PRICKLE1: variants seen among roughly 807,000 people sequenced by gnomAD.
The protein encoded by PRICKLE1 is prickle-like protein 1.
PRICKLE1 carries 14 observed loss-of-function variants against 70.2 expected under a neutral mutation model. The ratio of observed to expected loss-of-function variants is 0.20; its 90% CI spans 0.13 to 0.31. The LOEUF (loss-of-function observed/expected upper bound fraction) is 0.31. Ranked by LOEUF, PRICKLE1 falls within the 10% of genes least tolerant of loss-of-function variation. The probability of loss-of-function intolerance (pLI) is 1.00; values close to 1 mark genes in which losing one functional copy is unlikely to be tolerated. For synonymous variants in PRICKLE1, 357 were observed against 379.9 expected (o/e 0.94, Z 0.70); for missense variants, 821 against 1,026.2 (o/e 0.80, Z 2.73).
chr12:42,498,139 T>C (rs1378373219), intron 1 of PRICKLE1, among the ~76,000 whole-genome samples: 2 of 150,278 alleles, frequency 1.3e-5, no homozygotes, highest in Non-Finnish European at 3.0e-5. Context: ...TGAGCCTCCA[T>C]GCCTAGTCTC....
intron 1 of PRICKLE1, chr12:42,489,657 T>TAAAAAAA (rs71084661): frequency 1.5e-5 from 1 of 67,820 alleles, no homozygotes; most frequent in Non-Finnish European, 2.8e-5. Context: ...GAGACTTCTC[T>TAAAAAAA]AAAAAAAAAA....
chr12:42,575,888 TA>T (rs1940798010), intron 1 of PRICKLE1, among the ~76,000 whole-genome samples: 1 of 152,170 alleles, frequency 6.6e-6, no homozygotes, highest in Non-Finnish European at 1.5e-5. Context: ...AAGCCTCCCT[TA>T]ATAGTCCACA....
At chr12:42,576,397 C>T (rs1351589543) in intron 1 of PRICKLE1, among the ~76,000 whole-genome samples, 3 of 152,210 alleles carry the variant, frequency 2.0e-5, no homozygotes, top group East Asian at 3.8e-4. Flanking sequence ...GTCAACCATA[C>T]CCTGGAGCGC....
At chr12:42,554,885 T>A (rs1169764335) in intron 1 of PRICKLE1, among the ~76,000 whole-genome samples, 11 of 151,756 alleles carry the variant, frequency 7.2e-5, no homozygotes, top group East Asian at 1.9e-4. Flanking sequence ...AGAACTTATT[T>A]TTTTTTTTTT....
chr12:42,501,524 AAAAAAAGAAAAG>A (rs1939308820), intron 1 of PRICKLE1, among the ~76,000 whole-genome samples: 1 of 129,260 alleles, frequency 7.7e-6, no homozygotes, highest in Non-Finnish European at 1.5e-5. Context: ...AAAAAAAAAA[AAAAAAAGAAAAG>A]AAAAGAGGAG....
intron 1 of PRICKLE1, among the ~76,000 whole-genome samples, chr12:42,571,623 C>T (rs993231629): frequency 1.3e-5 from 2 of 152,198 alleles, no homozygotes; most frequent in Admixed American, 1.3e-4. Context: ...CGGGAGCTTA[C>T]GCTTGTTTTT....
At chr12:42,531,755 C>T (rs1939921698) in intron 1 of PRICKLE1, among the ~76,000 whole-genome samples, 1 of 152,098 alleles carries the variant, frequency 6.6e-6, no homozygotes, top group Non-Finnish European at 1.5e-5. Context: ...AAATGAACAA[C>T]TGCTAATGAT....
At chr12:42,468,997 T>A (rs765708627) in intron 4 of PRICKLE1, among the ~76,000 whole-genome samples, 168 bp from the exon 5 acceptor site, 1 of 152,236 alleles carries the variant, frequency 6.6e-6, no homozygotes, top group Non-Finnish European at 1.5e-5. Context: ...GATTCTCCAC[T>A]GTAAGGCACG....
chr12:42,519,767 TAGCTTGAA>T (rs1481724871), intron 1 of PRICKLE1, among the ~76,000 whole-genome samples: 11 of 152,244 alleles, frequency 7.2e-5, no homozygotes, highest in Non-Finnish European at 1.6e-4. Flanking sequence ...TGAGGCTGGG[TAGCTTGAA>T]AGCAAAGCAG....
At chr12:42,553,128 C>A (rs1940349883) in intron 1 of PRICKLE1, among the ~76,000 whole-genome samples, 1 of 152,042 alleles carries the variant, frequency 6.6e-6, no homozygotes, top group Non-Finnish European at 1.5e-5. Context: ...ATTTATGTGT[C>A]ATCCCCAGGT....
intron 1 of PRICKLE1, among the ~76,000 whole-genome samples, chr12:42,515,860 T>C (rs1346923210): frequency 6.6e-6 from 1 of 152,200 alleles, no homozygotes; most frequent in Non-Finnish European, 1.5e-5. Context: ...TACATTGGTA[T>C]GAATCTACTT....
intron 1 of PRICKLE1, among the ~76,000 whole-genome samples, chr12:42,560,508 A>G (rs1369879151): frequency 7.4e-6 from 1 of 135,216 alleles, no homozygotes; most frequent in Non-Finnish European, 1.5e-5. Context: ...ATCTGGGACT[A>G]TTTGTTAGAC....
chr12:42,484,106 C>G (rs1391827059), intron 1 of PRICKLE1: 6 of 151,510 alleles, frequency 4.0e-5, no homozygotes, highest in African/African-American at 1.2e-4. Context: ...CCCAGCTCCC[C>G]GCTCCCGCCC....
chr12:42,522,549 T>C (rs1393951876), intron 1 of PRICKLE1, among the ~76,000 whole-genome samples: 1 of 152,216 alleles, frequency 6.6e-6, no homozygotes, highest in East Asian at 1.9e-4. Flanking sequence ...GTATCTTGCT[T>C]AAATAAGTTT....
chr12:42,527,957 ATATATATATATATATCTCCAAAGTTT>A (rs1939840715), intron 1 of PRICKLE1, among the ~76,000 whole-genome samples: 8 of 26,328 alleles, frequency 3.0e-4, no homozygotes, highest in African/African-American at 9.5e-4. Context: ...ATATATATAT[ATATATATATATATATCTCCAAAGTTT>A]TATATACTAT....
intron 1 of PRICKLE1, among the ~76,000 whole-genome samples, chr12:42,553,447 A>G (rs1940359530): frequency 6.6e-6 from 1 of 150,664 alleles, no homozygotes; most frequent in African/African-American, 2.4e-5. Context: ...CCGTCTCAAA[A>G]AAAAAAAAAC....
chr12:42,503,420 G>T (rs929634889), intron 1 of PRICKLE1, among the ~76,000 whole-genome samples: 1 of 152,098 alleles, frequency 6.6e-6, no homozygotes, highest in African/African-American at 2.4e-5. Flanking sequence ...TCTTTGCAGT[G>T]CTGGGTAGTA....
intron 1 of PRICKLE1, among the ~76,000 whole-genome samples, chr12:42,479,448 A>G (rs1225569204): frequency 6.6e-6 from 1 of 152,248 alleles, no homozygotes; most frequent in African/African-American, 2.4e-5. Context: ...GGAGCATGAC[A>G]GTTTTTCTAG....
intron 1 of PRICKLE1, among the ~76,000 whole-genome samples, chr12:42,476,072 A>C (rs1938516083): frequency 7.1e-6 from 1 of 141,238 alleles, no homozygotes; most frequent in Admixed American, 7.2e-5. Flanking sequence ...AGCCTGGGTG[A>C]CAAGAGCAAA....
Sources: allele counts gnomAD v4.1 joint callset (sites outside exome capture counted in the v4.1 genomes callset), GRCh38; gene constraint gnomAD v4.1.1; transcripts MANE v1.5; gene names NCBI Gene and HGNC (gene_info 2026-07-23, HGNC 2026-07-21).